The following SPTSSA variants were observed in gnomAD, a reference collection of about 807,000 sequenced individuals.
The protein encoded by SPTSSA is small subunit of serine palmitoyltransferase A.
In SPTSSA, 8 loss-of-function variants were observed where a neutral mutation model predicts 9.1. The observed-to-expected ratio is 0.88, with a 90% CI of 0.51 to 1.58. The LOEUF (loss-of-function observed/expected upper bound fraction) is 1.58. Among genes scored for constraint, SPTSSA ranks in the 40% most tolerant of loss-of-function variants. SPTSSA has a pLI of 0.00. For synonymous variants in SPTSSA, 42 were observed against 37.7 expected (o/e 1.11, Z -0.41); for missense variants, 100 against 93.8 (o/e 1.07, Z -0.27).
chr14:34,437,885 C>T (rs1163474502), intron 1 of SPTSSA, among the ~76,000 whole-genome samples: 2 of 152,142 alleles, frequency 1.3e-5, no homozygotes, highest in South Asian at 2.1e-4. Context: ...ACCACAGCCT[C>T]GACCTCCCAG....
intron 1 of SPTSSA, among the ~76,000 whole-genome samples, chr14:34,460,376 C>T (rs902216831): frequency 4.6e-5 from 7 of 152,016 alleles, no homozygotes; most frequent in African/African-American, 1.7e-4. Flanking sequence ...AACTACTTGT[C>T]GCTAAACCAT....
rs367580118 is a variant in SPTSSA, at chr14:34,462,089, A to C, written c.112+7T>G. Reference sequence around the variant, plus strand: ...CGGCCCCCGCGCGCGCGGCCGGGACAGGATACTGAACACCGTCCGCTCCCA... The same window carrying C: ...CGGCCCCCGCGCGCGCGGCCGGGACCGGATACTGAACACCGTCCGCTCCCA... On this transcript the variant is annotated splice_region_variant and intron_variant, in intron 1 of 1. Transcript: ENST00000298130. 1 of 1,456,420 alleles carries C rather than the reference A, an allele frequency of 6.9e-7. No individual in the cohort carries two copies. The allele number at this position is 1,456,420 out of a possible 1,614,324, so 90.2% of individuals were successfully genotyped here.
chr14:34,457,983 AAAAAAAAC>A (rs1878519679), intron 1 of SPTSSA, among the ~76,000 whole-genome samples: 3 of 149,578 alleles, frequency 2.0e-5, no homozygotes, highest in Non-Finnish European at 3.0e-5. Flanking sequence ...AAAAAAAAAA[AAAAAAAAC>A]AAAGAAAAGA....
At chr14:34,450,646 G>A (rs1264515637) in intron 1 of SPTSSA, among the ~76,000 whole-genome samples, 2 of 152,074 alleles carry the variant, frequency 1.3e-5, no homozygotes, top group African/African-American at 4.8e-5. Context: ...AAAATGGGCT[G>A]TTCTGTTTTG....
intron 1 of SPTSSA, among the ~76,000 whole-genome samples, chr14:34,437,035 C>T (rs1337272558): frequency 6.6e-6 from 1 of 152,170 alleles, no homozygotes; most frequent in Non-Finnish European, 1.5e-5. Flanking sequence ...ATTCTTACTC[C>T]TCCAGACTGT....
At chr14:34,436,743 AG>A (rs1883247004) in intron 1 of SPTSSA, among the ~76,000 whole-genome samples, 1 of 152,186 alleles carries the variant, frequency 6.6e-6, no homozygotes, top group Admixed American at 6.5e-5. Context: ...TAGCTTGTTC[AG>A]GGCCATACAG....
At chr14:34,459,484 G>A (rs868706022) in intron 1 of SPTSSA, among the ~76,000 whole-genome samples, 1 of 147,734 alleles carries the variant, frequency 6.8e-6, no homozygotes, top group Non-Finnish European at 1.5e-5. Flanking sequence ...AAAAGAAAAA[G>A]AAGAAAATTA....
chr14:34,438,759 A>T (rs1473142471), intron 1 of SPTSSA, among the ~76,000 whole-genome samples: 1 of 151,962 alleles, frequency 6.6e-6, no homozygotes, highest in Admixed American at 6.6e-5. Flanking sequence ...CACCTCCCCA[A>T]CCTTAATCAA....
In SPTSSA at chr14:34,435,049, G is replaced by A. The variant is rs1883216651; in HGVS notation, c.*152C>T. 1.9e-6 allele frequency: 1 copy of A among 516,060 alleles called. No homozygotes were observed. The highest frequency in any genetic ancestry group is 3.1e-5 in the East Asian group (1 of 32,302). The allele number at this position is 516,060 out of a possible 1,614,324, so 32.0% of individuals were successfully genotyped here. On this transcript the variant is annotated 3_prime_UTR_variant, in exon 2 of 2. Transcript: ENST00000298130. ...AATAAAGAACACAACACATGAGTCA[G>A]GATGATTTTCCTGTTCTACTCATGA...
chr14:34,434,790 C>T lies in SPTSSA; in HGVS notation c.*411G>A, dbSNP rs1403823119. 1 of 153,066 alleles carries T rather than the reference C, an allele frequency of 6.5e-6. No individual in the cohort carries two copies. Among genetic ancestry groups the T allele is most frequent in the African/African-American group, 2.4e-5 (1 of 41,422 alleles). The allele number at this position is 153,066 out of a possible 1,614,324, so 9.5% of individuals were successfully genotyped here. A position where few individuals can be genotyped will look rare whatever the true frequency, so the allele number is the denominator to read the frequency against. ...ACTTTGGTCAAGAGTAGAAATATAT[C>T]CAGGCAGATGTATATGCCATACAAT... On this transcript the variant is annotated 3_prime_UTR_variant, in exon 2 of 2. Transcript: ENST00000298130.
chr14:34,438,003 A>G (rs28570067), intron 1 of SPTSSA, among the ~76,000 whole-genome samples: 10,302 of 151,822 alleles, frequency 0.068, 608 homozygotes, highest in African/African-American at 0.16. Context: ...GGGTCTCCCT[A>G]TGTTGCTCAG....
intron 1 of SPTSSA, among the ~76,000 whole-genome samples, chr14:34,460,496 T>C (rs1357881593): frequency 1.3e-5 from 2 of 152,182 alleles, no homozygotes; most frequent in Non-Finnish European, 2.9e-5. Flanking sequence ...TATAGGACAC[T>C]ATCACTATTG....
chr14:34,456,900 A>C, intron 1 of SPTSSA, among the ~76,000 whole-genome samples: 1 of 146,108 alleles, frequency 6.8e-6, no homozygotes, highest in Non-Finnish European at 1.5e-5. Flanking sequence ...CTCCATCTCA[A>C]AAAAAAAAAG....
chr14:34,435,623 CTTTTTTTT>C (rs769896697), intron 1 of SPTSSA, among the ~76,000 whole-genome samples: 8 of 92,444 alleles, frequency 8.7e-5, no homozygotes, highest in African/African-American at 2.3e-4. Flanking sequence ...GTTTGTTTCT[CTTTTTTTT>C]TTTTTTTTTT....
intron 1 of SPTSSA, among the ~76,000 whole-genome samples, chr14:34,461,377 G>A (rs1878611925): frequency 2.6e-5 from 4 of 152,048 alleles, no homozygotes; most frequent in Admixed American, 2.6e-4. Context: ...CAAATGCTTT[G>A]CTTATAGTAA....
chr14:34,447,350 C>T (rs1221740142), intron 1 of SPTSSA, among the ~76,000 whole-genome samples: 1 of 151,854 alleles, frequency 6.6e-6, no homozygotes, highest in Non-Finnish European at 1.5e-5. Flanking sequence ...GAGCATACTC[C>T]GAACTCTTGG....
At chr14:34,457,971 G>GAAAAAAAAA (rs750575678) in intron 1 of SPTSSA, among the ~76,000 whole-genome samples, 1 of 54,716 alleles carries the variant, frequency 1.8e-5, no homozygotes, top group Non-Finnish European at 3.2e-5. Context: ...GACTGTCTCG[G>GAAAAAAAAA]AAAAAAAAAA....
chr14:34,462,221 T>C lies in SPTSSA; in HGVS notation c.-14A>G. On this transcript the variant is annotated 5_prime_UTR_variant, in exon 1 of 2. Transcript: ENST00000298130. ...CATCCCCGCCATGCGCCTCCCGCGA[T>C]GCAGCTCACACGTCAGTCTGTCCGG... 1 of 1,511,322 alleles carries C rather than the reference T, an allele frequency of 6.6e-7. No individual in the cohort carries two copies. Among genetic ancestry groups the C allele is most frequent in the African/African-American group, 1.5e-5 (1 of 68,712 alleles). 93.6% of individuals were successfully genotyped at this position (1,511,322 alleles called of 1,614,324 possible).
chr14:34,458,600 G>A lies in SPTSSA; in HGVS notation c.112+3496C>T, dbSNP rs1294591833. Among the ~76,000 whole-genome samples, 5 of 150,032 alleles carry A rather than the reference G, an allele frequency of 3.3e-5. No individual in the cohort carries two copies. In the East Asian group the frequency reaches 7.8e-4, roughly 23 times the overall value. On this transcript the variant is annotated intron_variant, in intron 1 of 1. Coordinates refer to ENST00000298130, the MANE Select transcript of SPTSSA (RefSeq NM_138288.4). ...CAACCTTTGCCTCCTGGGTTCAAGC[G>A]ATTCTCCTGCCTCAGCCTCCCGAGT...
Sources: allele counts gnomAD v4.1 joint callset (sites outside exome capture counted in the v4.1 genomes callset), GRCh38; gene constraint gnomAD v4.1.1; transcripts MANE v1.5; gene names NCBI Gene and HGNC (gene_info 2026-07-23, HGNC 2026-07-21).